The following EPHA1 variants were observed in gnomAD, a reference collection of about 807,000 sequenced individuals.
EPHA1 encodes the protein EPH receptor A1.
In EPHA1, 92 loss-of-function variants were observed where a neutral mutation model predicts 110.1. The observed-to-expected ratio is 0.84, with a 90% CI of 0.71 to 0.99. The LOEUF is 0.99. Among genes scored for constraint, EPHA1 ranks in the 50% least tolerant of loss-of-function variants. The pLI, the probability that EPHA1 is intolerant of heterozygous loss-of-function variation, is 0.00. For synonymous variants in EPHA1, 500 were observed against 516.1 expected (o/e 0.97, Z 0.42); for missense variants, 1,204 against 1,285.4 (o/e 0.94, Z 0.97).
rs1563116662 is a variant in EPHA1, at chr7:143,397,541, G to GC, written c.1712+19_1712+20insG. 9.0e-6 allele frequency: 14 copies of GC among 1,562,884 alleles called. No individual in the cohort carries two copies. The highest frequency in any genetic ancestry group is 9.7e-6 in the Non-Finnish European group (11 of 1,136,462). On this transcript the variant is annotated intron_variant, in intron 9 of 17. Transcript: ENST00000275815. ...TTCTGACCCAGGGCTGGTGGTTGGG[G>GC]AGGGGGCAGGAGCTGGCACCTGGAC...
chr7:143,401,197 A>C lies in EPHA1; in HGVS notation c.432+127T>G. 1.6e-6 allele frequency: 2 copies of C among 1,265,660 alleles called. No homozygotes were observed. Among genetic ancestry groups the C allele is most frequent in the Non-Finnish European group, 2.2e-6 (2 of 921,470 alleles). The allele number at this position is 1,265,660 out of a possible 1,614,324, so 78.4% of individuals were successfully genotyped here. ...CACAAGCCACCATGCCCAGCCTTCA[A>C]GCGCCAAATTCTTTTCAAGATTCTA... is the stretch of plus-strand genomic sequence containing the variant. On this transcript the variant is annotated intron_variant, in intron 3 of 17. Transcript: ENST00000275815. The surrounding 1 kb of genome is among the most constrained non-coding windows in gnomAD (Gnocchi z 4.1).
In EPHA1 at chr7:143,397,248, C is replaced by T. The variant is rs1030816724; in HGVS notation, c.1771+56G>A. On this transcript the variant is annotated intron_variant, in intron 10 of 17. Transcript: ENST00000275815. ...TGGCATCTCCCAACACACACACACA[C>T]GCACACACAGGTGTGCACACGCATG... 24 of 1,502,992 alleles carry T rather than the reference C, an allele frequency of 1.6e-5. 1 individual carries two copies. The highest frequency in any genetic ancestry group is 1.5e-4 in the East Asian group (6 of 40,346). The allele number at this position is 1,502,992 out of a possible 1,614,324, so 93.1% of individuals were successfully genotyped here.
chr7:143,395,408 C>T lies in EPHA1; in HGVS notation c.1994G>A (p.Gly665Asp). The T allele has an allele frequency of 2.5e-6, 4 of 1,614,234 alleles. No individual in the cohort carries two copies. In the South Asian group the frequency reaches 4.4e-5, roughly 18 times the overall value. ...IKTLKDTSPGGQWWNFLREAT... is the reference protein window; with the variant it reads ...IKTLKDTSPGDQWWNFLREAT... ...CTCTCGAAGGAAGTTCCACCACTGG[C>T]CACCTGGGGATGTGTCTTTTAAGGT... Residue 665 changes from glycine to aspartate, a missense_variant, in exon 12 of 18, where the codon GGC becomes GAC. Transcript: ENST00000275815. This position sits in a 1 kb window ranked among gnomAD's most constrained non-coding sequence, Gnocchi z 4.7.
intron 2 of EPHA1, among the ~76,000 whole-genome samples, chr7:143,405,298 T>C (rs1805517980): frequency 6.6e-6 from 1 of 152,144 alleles, no homozygotes; most frequent in South Asian, 2.1e-4. Context: ...GCCTTGCCTC[T>C]CCCAGTTCCA....
intron 1 of EPHA1, 78 bp from the exon 2 acceptor site, chr7:143,407,756 C>T: frequency 7.4e-7 from 1 of 1,352,288 alleles, no homozygotes; most frequent in Non-Finnish European, 1.0e-6. Context: ...CATTCTGGGG[C>T]CTCAGCCCCA....
chr7:143,392,494 G>A (rs899026750), intron 16 of EPHA1, among the ~76,000 whole-genome samples: 1 of 152,162 alleles, frequency 6.6e-6, no homozygotes, highest in Non-Finnish European at 1.5e-5. Context: ...TGGCCAGGCT[G>A]GCTACCCAAT....
At chr7:143,398,543 G>A in intron 6 of EPHA1, 58 bp downstream of exon 6, 2 of 1,606,658 alleles carry the variant, frequency 1.2e-6, no homozygotes, top group African/African-American at 1.3e-5. Flanking sequence ...TTTGTTCTGT[G>A]GTCTTAAGCC....
intron 15 of EPHA1, 50 bp downstream of exon 15, chr7:143,394,144 A>G (rs1248857339): frequency 1.6e-5 from 25 of 1,571,934 alleles, no homozygotes; most frequent in Non-Finnish European, 2.1e-5. Flanking sequence ...TTGGGAGGAA[A>G]TAAGAGGTGT....
chr7:143,397,272 TGTG>T (rs1445384961), intron 10 of EPHA1, 29 bp downstream of exon 10: 1 of 1,543,062 alleles, frequency 6.5e-7, no homozygotes, highest in East Asian at 2.5e-5. Flanking sequence ...TGCACACGCA[TGTG>T]GGGACACACG....
In EPHA1 at chr7:143,395,355, G is replaced by C; in HGVS notation, c.2047C>G (p.Pro683Ala). The C allele has an allele frequency of 1.2e-6, 2 of 1,614,168 alleles. No individual in the cohort carries two copies. Among genetic ancestry groups the C allele is most frequent in the Non-Finnish European group, 1.7e-6 (2 of 1,180,040 alleles). Residue 683 changes from proline (P) to alanine (A), a missense_variant, in exon 12 of 18, where the codon CCG (proline) becomes GCG (alanine). Coordinates refer to ENST00000275815, the MANE Select transcript of EPHA1 (RefSeq NM_005232.5). This position sits in a 1 kb window ranked among gnomAD's most constrained non-coding sequence, Gnocchi z 4.7. ...ACGCCTTCCAGATGCAGAATATGCG[G>C]GTGGCTAAACTGGCCCATGATAGTT... ...EATIMGQFSH[P>A]HILHLEGVVT...
At position 143,393,576 on chromosome 7, in the gene EPHA1, C is replaced by T; in HGVS notation, c.2696+95G>A. 1.4e-6 allele frequency: 2 copies of T among 1,430,412 alleles called. No individual in the cohort carries two copies. The highest frequency in any genetic ancestry group is 1.9e-6 in the Non-Finnish European group (2 of 1,053,564). The allele number at this position is 1,430,412 out of a possible 1,614,324, so 88.6% of individuals were successfully genotyped here. On this transcript the variant is annotated intron_variant, in intron 16 of 17. Transcript: ENST00000275815. The surrounding 1 kb of genome is among the most constrained non-coding windows in gnomAD (Gnocchi z 5.6). ...ATACACTGGACTTGGTCCAGAGCTC[C>T]CCAGGCCCAGCGCTCAAAGAAGATT... is the stretch of plus-strand genomic sequence containing the variant.
At position 143,401,584 on chromosome 7, in the gene EPHA1, G is replaced by A. The variant is rs745515269; in HGVS notation, c.172C>T (p.Leu58=). 6.2e-7 allele frequency: 1 copy of A among 1,613,500 alleles called. No homozygotes were observed. Among genetic ancestry groups the A allele is most frequent in the Admixed American group, 1.7e-5 (1 of 60,024 alleles). ...KDGWSEQQQI[L]NGTPLYMYQD... ...TACATGTACAGGGGTGTCCCATTCA[G>A]TATCTGTTGCTGTTCACTCCACTGC... Residue 58 remains leucine, a synonymous_variant, in exon 3 of 18, where the codon CTG becomes TTG. Transcript: ENST00000275815. This position sits in a 1 kb window ranked among gnomAD's most constrained non-coding sequence, Gnocchi z 4.1.
In EPHA1 at chr7:143,398,824, G is replaced by C. The variant is rs374662064; in HGVS notation, c.1113C>G (p.Ser371=). 27 of 1,613,374 alleles carry C rather than the reference G, an allele frequency of 1.7e-5. No homozygotes were observed. The highest frequency in any genetic ancestry group is 2.1e-5 in the Non-Finnish European group (25 of 1,180,010). ...RQDVRYSVRC[S]QCQGTAQDGG... ...CGTCCTGTGCTGTGCCCTGACACTG[G>C]GAACACCTCACACTGTATCTGACAT... Residue 371 remains serine, a synonymous_variant, in exon 6 of 18, where the codon TCC becomes TCG. Transcript: ENST00000275815.
Position 143,399,240 on chromosome 7 carries a change from C to T in EPHA1, c.991+18G>A, listed in dbSNP as rs746005831. The T allele has an allele frequency of 1.9e-6, 3 of 1,604,890 alleles. No homozygotes were observed. The Admixed American group carries it at 5.1e-5, about 27-fold the overall frequency. On this transcript the variant is annotated intron_variant, in intron 5 of 17. Transcript: ENST00000275815. Reference sequence around the variant, plus strand: ...AGCCCCTCCCTCCAGATGGCCACGCCCCACCCCCTGGACTCACCTGTGCAT... The same window carrying T: ...AGCCCCTCCCTCCAGATGGCCACGCTCCACCCCCTGGACTCACCTGTGCAT...
rs79797308 is a variant in EPHA1 at position 143,393,068 on chromosome 7, G to A, written c.2696+603C>T. ...GGCTGCTATTCCTAAACACAATGCC[G>A]CAGCCATCCTGCACTATCTGCAACC... On this transcript the variant is annotated intron_variant, in intron 16 of 17. Transcript: ENST00000275815. The surrounding 1 kb of genome is among the most constrained non-coding windows in gnomAD (Gnocchi z 5.6). Among the ~76,000 whole-genome samples the A allele has an allele frequency of 1.9e-3, 296 of 152,214 alleles. 1 individual carries two copies. Among genetic ancestry groups the A allele is most frequent in the African/African-American group, 6.8e-3 (282 of 41,508 alleles).
At chr7:143,404,469 G>A (rs112252575) in intron 2 of EPHA1, among the ~76,000 whole-genome samples, 104 of 152,152 alleles carry the variant, frequency 6.8e-4, no homozygotes, top group African/African-American at 1.6e-3. Flanking sequence ...CGCCCGCCTC[G>A]GCCTCCCAAA....
intron 4 of EPHA1, 34 bp downstream of exon 4, chr7:143,399,617 T>C (rs2116627415): frequency 6.2e-7 from 1 of 1,610,434 alleles, no homozygotes; most frequent in Non-Finnish European, 8.5e-7. Context: ...TCCTCCCGAG[T>C]GGTTCCTCAG....
At chr7:143,403,125 G>A (rs1478744716) in intron 2 of EPHA1, among the ~76,000 whole-genome samples, 2 of 152,200 alleles carry the variant, frequency 1.3e-5, no homozygotes, top group African/African-American at 4.8e-5. Context: ...CTAGCACTTT[G>A]GGAGGCCCAG....
At chr7:143,405,510 G>A (rs1805526610) in intron 2 of EPHA1, among the ~76,000 whole-genome samples, 1 of 152,086 alleles carries the variant, frequency 6.6e-6, no homozygotes. Context: ...TAGTGGGAGT[G>A]TATGACTGCT....
Sources: gnomAD v4.1 joint callset for allele counts (sites outside exome capture counted in the v4.1 genomes callset) on GRCh38, gnomAD v4.1.1 for gene constraint, Gnocchi (gnomAD v3.1) non-coding constraint, MANE v1.5 for transcripts, NCBI Gene and HGNC (gene_info 2026-07-23, HGNC 2026-07-21) for gene names.